Variants in GTF3C4 observed in about 807,000 individuals in gnomAD.
GTF3C4 encodes the protein general transcription factor IIIC subunit 4, also known as general transcription factor 3C polypeptide 4.
In GTF3C4, 28 loss-of-function variants were observed where a neutral mutation model predicts 67.5. The observed-to-expected ratio is 0.41, with a 90% CI of 0.31 to 0.57. The LOEUF is 0.57. Ranked by LOEUF, GTF3C4 falls within the 20% of genes least tolerant of loss-of-function variation. The pLI is 0.21. For missense variants in GTF3C4, 831 were observed against 1,033.2 expected (o/e 0.80, Z 2.68); for synonymous variants, 409 against 393.0 (o/e 1.04, Z -0.48).
At chr9:132,670,035 C>T (rs866139523), upstream of GTF3C4, 4 of 1,562,742 alleles carry the variant, frequency 2.6e-6, no homozygotes, top group Non-Finnish European at 2.6e-6. Context: ...GCCACCGCCC[C>T]TTCCGGGTCC....
chr9:132,670,998 C>T (rs1195987560), intron 1 of GTF3C4, 43 bp downstream of exon 1: 14 of 1,346,790 alleles, frequency 1.0e-5, no homozygotes, highest in Non-Finnish European at 1.3e-5. Context: ...CCCTGTCCCC[C>T]TCTCGCGGCC....
rs1351045720 is a variant in GTF3C4, at chr9:132,687,315, C to T, written c.2392C>T (p.Pro798Ser). ...CLLHDSIARH[P>S]APEDPDWIKR... ...GCTCCATGACAGCATTGCCCGGCAT[C>T]CAGCTCCAGAAGGTGAGTGCTTTCC... Residue 798 changes from proline to serine, a missense_variant, in exon 4 of 5, where the codon CCA becomes TCA. Pro to Ser is a moderately conservative substitution (Grantham distance 74, BLOSUM62 -1). This residue lies in a region of GTF3C4 where 129 missense variants were observed against 213.8 expected (regional missense o/e 0.60). Transcript: ENST00000372146. 1 of 1,559,576 alleles carries T rather than the reference C, an allele frequency of 6.4e-7. No individual in the cohort carries two copies. Among genetic ancestry groups the T allele is most frequent in the South Asian group, 1.1e-5 (1 of 89,946 alleles).
chr9:132,678,033 C>T lies in GTF3C4; in HGVS notation c.414C>T (p.Asp138=). ...AGGAGAAATTCGCCGCCTCCAAGGACCCCACGGTCAGTCAGACTTTCATGT... is the reference window on the plus strand; with the variant it reads ...AGGAGAAATTCGCCGCCTCCAAGGATCCCACGGTCAGTCAGACTTTCATGT... ...ECKEKFAASK[D]PTVSQTFMLD... is the part of the protein sequence containing the mutation. Residue 138 remains aspartate (D), a synonymous_variant, in exon 2 of 5, where the codon GAC becomes GAT. Transcript: ENST00000372146. The surrounding 1 kb of genome is among the most constrained non-coding windows in gnomAD (Gnocchi z 6.5). 3 of 1,614,046 alleles carry T rather than the reference C, an allele frequency of 1.9e-6. No individual in the cohort carries two copies. The highest frequency in any genetic ancestry group is 2.5e-6 in the Non-Finnish European group (3 of 1,179,922).
chr9:132,670,291 CAGCACTTTAGGA>C, upstream of GTF3C4: 1 of 1,508,660 alleles, frequency 6.6e-7, no homozygotes, highest in Non-Finnish European at 8.9e-7. Context: ...TGCGTTTCCT[CAGCACTTTAGGA>C]ACTAAAGCCT....
rs1357609226 is a variant in GTF3C4, at chr9:132,689,219, A to G, written c.*274A>G. On this transcript the variant is annotated 3_prime_UTR_variant, in exon 5 of 5. Transcript: ENST00000372146. ...GCTTTGTAACCAATGAGGAACACTT[A>G]CTTATTTTTAAGTATCTTGACAGAA... 4.8e-6 allele frequency: 2 copies of G among 416,566 alleles called. No homozygotes were observed. The highest frequency in any genetic ancestry group is 8.9e-6 in the Non-Finnish European group (2 of 224,736). 25.8% of individuals were successfully genotyped at this position (416,566 alleles called of 1,614,324 possible). A position where few individuals can be genotyped will look rare whatever the true frequency, so the allele number is the denominator to read the frequency against.
chr9:132,691,015 A>G lies in GTF3C4; in HGVS notation c.*2070A>G, dbSNP rs1181457222. The G allele has an allele frequency of 1.3e-5, 2 of 152,160 alleles. No homozygotes were observed. The highest frequency in any genetic ancestry group is 1.9e-4 in the East Asian group (1 of 5,192). 9.4% of individuals were successfully genotyped at this position (152,160 alleles called of 1,614,324 possible). Reference sequence around the variant, plus strand: ...GAGAGGATCTCCCAAATTTTTTTGTATGTCTCTCTAGGAGTAAACATGGCA... The same window carrying G: ...GAGAGGATCTCCCAAATTTTTTTGTGTGTCTCTCTAGGAGTAAACATGGCA... On this transcript the variant is annotated 3_prime_UTR_variant, in exon 5 of 5. Transcript: ENST00000372146.
rs1836116457 is a variant in GTF3C4 at position 132,691,589 on chromosome 9, ATT to A, written c.*2647_*2648del. On this transcript the variant is annotated 3_prime_UTR_variant, in exon 5 of 5. Coordinates refer to ENST00000372146, the MANE Select transcript of GTF3C4 (RefSeq NM_012204.4). ...AGTCTGATACCCACATAGGTATCACATTTTCTCTGCCTGGGGTTAATTTGTTC... is the reference window on the plus strand; with the variant it reads ...AGTCTGATACCCACATAGGTATCACATTCTCTGCCTGGGGTTAATTTGTTC... The A allele has an allele frequency of 6.6e-6, 1 of 152,098 alleles. No homozygotes were observed. Among genetic ancestry groups the A allele is most frequent in the Non-Finnish European group, 1.5e-5 (1 of 68,022 alleles). 9.4% of individuals were successfully genotyped at this position (152,098 alleles called of 1,614,324 possible).
chr9:132,689,024 A>ATCCTTCTCTTCAGG lies in GTF3C4; in HGVS notation c.*79_*80insTCCTTCTCTTCAGG. The ATCCTTCTCTTCAGG allele has an allele frequency of 9.4e-7, 1 of 1,068,540 alleles. No homozygotes were observed. Among genetic ancestry groups the ATCCTTCTCTTCAGG allele is most frequent in the Non-Finnish European group, 1.4e-6 (1 of 692,146 alleles). 66.2% of individuals were successfully genotyped at this position (1,068,540 alleles called of 1,614,324 possible). Reference sequence around the variant, plus strand: ...TCCTCCAGCCTGAAGAGAAGGATGCACTGGAGGAAGCCGGACCCTCACGAG... The same window carrying ATCCTTCTCTTCAGG: ...TCCTCCAGCCTGAAGAGAAGGATGCATCCTTCTCTTCAGGCTGGAGGAAGCCGGACCCTCACGAG... On this transcript the variant is annotated 3_prime_UTR_variant, in exon 5 of 5. Coordinates refer to ENST00000372146, the MANE Select transcript of GTF3C4 (RefSeq NM_012204.4).
At chr9:132,684,107 C>CT (rs2130900738) in intron 3 of GTF3C4, among the ~76,000 whole-genome samples, 1 of 152,240 alleles carries the variant, frequency 6.6e-6, no homozygotes, top group African/African-American at 2.4e-5. Context: ...TGTCCTGTCT[C>CT]TGACTCTTCA....
Position 132,673,028 on chromosome 9 carries a change from CA to C in GTF3C4, c.357+2079del, listed in dbSNP as rs1319062180. 2.0e-5 allele frequency among the ~76,000 whole-genome samples: 3 copies of C among 151,838 alleles called. No homozygotes were observed. In the South Asian group the frequency reaches 6.2e-4, roughly 32 times the overall value. ...TGAAACCCCGTTTCTACTAAAAATA[CA>C]AAAAATTAGCCGGGCGTGGTGGCGG... On this transcript the variant is annotated intron_variant, in intron 1 of 4. Transcript: ENST00000372146.
In GTF3C4 at chr9:132,692,317, A is replaced by G. The variant is rs1001130672; in HGVS notation, c.*3372A>G. ...CACTTCCTAGAAGAAACTATTGGTA[A>G]TATTTCTTTCTAAAGGTAATAGTAT... On this transcript the variant is annotated 3_prime_UTR_variant, in exon 5 of 5. Transcript: ENST00000372146. 4.6e-5 allele frequency: 7 copies of G among 152,174 alleles called. No homozygotes were observed. The highest frequency in any genetic ancestry group is 1.0e-4 in the Non-Finnish European group (7 of 68,020). 9.4% of individuals were successfully genotyped at this position (152,174 alleles called of 1,614,324 possible).
At chr9:132,670,409 G>T, upstream of GTF3C4, 1 of 1,088,000 alleles carries the variant, frequency 9.2e-7, no homozygotes, top group Non-Finnish European at 1.2e-6. Flanking sequence ...TTTCTGGACA[G>T]GCAGTTCCTT....
At position 132,689,034 on chromosome 9, in the gene GTF3C4, G is replaced by A; in HGVS notation, c.*89G>A. ...TGAAGAGAAGGATGCACTGGAGGAA[G>A]CCGGACCCTCACGAGTGGAGAGAAG... On this transcript the variant is annotated 3_prime_UTR_variant, in exon 5 of 5. Coordinates refer to ENST00000372146, the MANE Select transcript of GTF3C4 (RefSeq NM_012204.4). 2 of 967,484 alleles carry A rather than the reference G, an allele frequency of 2.1e-6. No homozygotes were observed. The highest frequency in any genetic ancestry group is 2.1e-4 in the Middle Eastern group (1 of 4,652). The allele number at this position is 967,484 out of a possible 1,614,324, so 59.9% of individuals were successfully genotyped here.
rs769535681 is a variant in GTF3C4, at chr9:132,678,104, G to A, written c.485G>A (p.Arg162Lys). 3.7e-6 allele frequency: 6 copies of A among 1,614,234 alleles called. No individual in the cohort carries two copies. Among genetic ancestry groups the A allele is most frequent in the Non-Finnish European group, 5.1e-6 (6 of 1,180,044 alleles). ...NPEGKALPPM[R>K]GFKYTSWSPM... is the part of the protein sequence containing the mutation. The stretch of plus-strand genomic sequence containing the variant: ...GAGGGGAAGGCTTTACCACCAATGA[G>A]AGGATTCAAGTACACCAGCTGGTCT... Residue 162 changes from arginine to lysine, a missense_variant, in exon 2 of 5, where the codon AGA becomes AAA. Around this residue, in one of 4 missense-constraint regions of GTF3C4, gnomAD observed 390 missense variants for 540.3 expected, o/e 0.72. Coordinates refer to ENST00000372146, the MANE Select transcript of GTF3C4 (RefSeq NM_012204.4). The surrounding 1 kb of genome is among the most constrained non-coding windows in gnomAD (Gnocchi z 6.5).
Position 132,693,852 on chromosome 9 carries a change from G to A in GTF3C4, c.*4907G>A, listed in dbSNP as rs1364013535. On this transcript the variant is annotated 3_prime_UTR_variant, in exon 5 of 5. Transcript: ENST00000372146. ...CTTTGACTCAGATTTGTACTTTGAT[G>A]TATGAAAGTGAATATCAAACTTGTT... 6.6e-6 allele frequency: 1 copy of A among 152,152 alleles called. No individual in the cohort carries two copies. Among genetic ancestry groups the A allele is most frequent in the Non-Finnish European group, 1.5e-5 (1 of 68,024 alleles). The allele number at this position is 152,152 out of a possible 1,614,324, so 9.4% of individuals were successfully genotyped here. A position where few individuals can be genotyped will look rare whatever the true frequency, so the allele number is the denominator to read the frequency against.
At chr9:132,686,715 CAG>C (rs766323531) in intron 3 of GTF3C4, among the ~76,000 whole-genome samples, 2 of 152,128 alleles carry the variant, frequency 1.3e-5, no homozygotes, top group African/African-American at 2.4e-5. Context: ...AGTGTACTGT[CAG>C]AGTCTTAAAG....
intron 1 of GTF3C4, 86 bp downstream of exon 1, chr9:132,671,041 ACT>A (rs1329790056): frequency 8.8e-6 from 8 of 913,410 alleles, no homozygotes; most frequent in South Asian, 4.1e-5. Context: ...CCGATCCCAC[ACT>A]CTGTCCGGGG....
intron 2 of GTF3C4, among the ~76,000 whole-genome samples, chr9:132,680,931 G>A (rs1279373199): frequency 1.3e-5 from 2 of 152,184 alleles, no homozygotes; most frequent in African/African-American, 2.4e-5. Flanking sequence ...CCAACATGGC[G>A]AAACCCCGTC....
Position 132,691,277 on chromosome 9 carries a change from A to G in GTF3C4, c.*2332A>G, listed in dbSNP as rs778534530. 2.0e-5 allele frequency: 3 copies of G among 152,234 alleles called. No homozygotes were observed. The highest frequency in any genetic ancestry group is 4.4e-5 in the Non-Finnish European group (3 of 68,036). The allele number at this position is 152,234 out of a possible 1,614,324, so 9.4% of individuals were successfully genotyped here. ...GTGCTTCTGAATTTCTCTGAGGGTC[A>G]GCATACCTCATGGGAGTGTGTTGCT... is the stretch of plus-strand genomic sequence containing the variant. On this transcript the variant is annotated 3_prime_UTR_variant, in exon 5 of 5. Transcript: ENST00000372146.
Sources: allele counts gnomAD v4.1 joint callset (sites outside exome capture counted in the v4.1 genomes callset), GRCh38; gene constraint gnomAD v4.1.1; regional missense constraint gnomAD v4.1.1; non-coding constraint Gnocchi (gnomAD v3.1); transcripts MANE v1.5; gene names NCBI Gene and HGNC (gene_info 2026-07-23, HGNC 2026-07-21).